The following EYS variants were observed in gnomAD, a reference collection of about 807,000 sequenced individuals.
The protein encoded by EYS is protein eyes shut homolog.
In EYS, 250 loss-of-function variants were observed where a neutral mutation model predicts 282.1. The ratio of observed to expected loss-of-function variants is 0.89; its 90% CI spans 0.80 to 0.98. The LOEUF (loss-of-function observed/expected upper bound fraction) is 0.98, where lower values mean the gene tolerates loss of function less well. Ranked by LOEUF, EYS falls within the 50% of genes least tolerant of loss-of-function variation. EYS has a pLI of 0.00. For missense variants in EYS, 4,016 were observed against 3,709.0 expected, an observed-to-expected ratio of 1.08 and a Z score of -2.15; for synonymous variants, 1,355 against 1,282.9, an observed-to-expected ratio of 1.06 and a Z score of -1.20.
chr6:65,557,768 T>C (rs1383360956), intron 2 of EYS, among the ~76,000 whole-genome samples: 3 of 152,138 alleles, frequency 2.0e-5, no homozygotes, highest in Non-Finnish European at 4.4e-5. Context: ...ACTGGAGGGT[T>C]AGCAAAAGGC....
chr6:64,596,079 G>A (rs11759796), intron 24 of EYS, among the ~76,000 whole-genome samples: 15,328 of 151,964 alleles, frequency 0.1, 927 homozygotes, highest in East Asian at 0.17. Flanking sequence ...GAGAGAGCCA[G>A]GGAGGGGATG....
rs564291620 is a variant in EYS at position 64,557,946 on chromosome 6, C to T, written c.5644+32277G>A. On this transcript the variant is annotated intron_variant, in intron 26 of 42. Transcript: ENST00000503581. ...CATTTACTATCTGTTCTTTTACAGA[C>T]CTGTCAGCCTCTGCACTGCTCATAT... 2.0e-5 allele frequency among the ~76,000 whole-genome samples: 3 copies of T among 152,140 alleles called. No homozygotes were observed. The South Asian group carries it at 6.2e-4, about 32-fold the overall frequency.
chr6:65,380,163 C>T (rs968150379), intron 8 of EYS, among the ~76,000 whole-genome samples: 13 of 152,196 alleles, frequency 8.5e-5, no homozygotes, highest in African/African-American at 3.1e-4. Flanking sequence ...ATTTCCAAGA[C>T]AGTCCTAAGC....
intron 31 of EYS, among the ~76,000 whole-genome samples, chr6:64,128,644 ATT>A (rs1773864691): frequency 6.6e-6 from 1 of 152,154 alleles, no homozygotes; most frequent in Non-Finnish European, 1.5e-5. Flanking sequence ...TATTTCAAAG[ATT>A]TCTTATAAAA....
intron 33 of EYS, among the ~76,000 whole-genome samples, chr6:64,012,675 A>C (rs775861502): frequency 8.5e-5 from 13 of 152,172 alleles, no homozygotes; most frequent in Non-Finnish European, 1.9e-4. Flanking sequence ...AAATTTAAGG[A>C]AATGCTGTTT....
At chr6:64,524,257 A>G (rs980990749) in intron 26 of EYS, among the ~76,000 whole-genome samples, 3 of 151,720 alleles carry the variant, frequency 2.0e-5, no homozygotes. Context: ...AATGTTTGTA[A>G]AATAATTCCA....
chr6:64,361,118 AC>A (rs1246625454), intron 29 of EYS, among the ~76,000 whole-genome samples: 18 of 151,874 alleles, frequency 1.2e-4, no homozygotes, highest in African/African-American at 4.3e-4. Context: ...AGAATATGGA[AC>A]TATATATTTT....
chr6:64,092,241 A>G (rs1361427426), intron 31 of EYS, among the ~76,000 whole-genome samples: 2 of 152,282 alleles, frequency 1.3e-5, no homozygotes, highest in East Asian at 1.9e-4. Flanking sequence ...TAGCAGCATG[A>G]TTTATAATCC....
chr6:65,689,451 C>A (rs934594656), intron 1 of EYS, among the ~76,000 whole-genome samples: 1 of 148,924 alleles, frequency 6.7e-6, no homozygotes, highest in Non-Finnish European at 1.5e-5. Context: ...GTGCAGCACA[C>A]CAACATGGCA....
intron 32 of EYS, among the ~76,000 whole-genome samples, chr6:64,067,640 G>A (rs1771422569): frequency 6.6e-6 from 1 of 152,014 alleles, no homozygotes; most frequent in Non-Finnish European, 1.5e-5. Flanking sequence ...TGGTGTTAAT[G>A]TCCTACTTTT....
intron 33 of EYS, among the ~76,000 whole-genome samples, chr6:64,035,010 A>G (rs2072658288): frequency 6.6e-6 from 1 of 152,180 alleles, no homozygotes; most frequent in Non-Finnish European, 1.5e-5. Flanking sequence ...CTAGACGTCA[A>G]TGTCTGGAGA....
chr6:64,343,215 A>T (rs1771208139), intron 29 of EYS, among the ~76,000 whole-genome samples: 1 of 152,056 alleles, frequency 6.6e-6, no homozygotes, highest in Admixed American at 6.6e-5. Context: ...CCTAATAGAC[A>T]TCTACAGAAC....
chr6:64,570,398 A>G (rs1765688266), intron 26 of EYS, among the ~76,000 whole-genome samples: 2 of 152,192 alleles, frequency 1.3e-5, no homozygotes, highest in Non-Finnish European at 2.9e-5. Flanking sequence ...CAGGCAAAAT[A>G]ACCAGCTAGC....
intron 31 of EYS, among the ~76,000 whole-genome samples, chr6:64,136,306 G>A (rs1217051919): frequency 2.0e-5 from 3 of 152,004 alleles, no homozygotes; most frequent in South Asian, 2.1e-4. Context: ...TTCCTCTACT[G>A]TAGTATTAAA....
intron 15 of EYS, among the ~76,000 whole-genome samples, chr6:64,935,688 C>T (rs1023088117): frequency 4.6e-5 from 7 of 151,584 alleles, no homozygotes; most frequent in Non-Finnish European, 8.9e-5. Flanking sequence ...CAATTACACG[C>T]TAACCAATTA....
rs6921581 is a variant in EYS at position 64,623,352 on chromosome 6, C to T, written c.3568+2769G>A. 1.9e-3 allele frequency among the ~76,000 whole-genome samples: 288 copies of T among 152,212 alleles called. 3 individuals are homozygous for T. The highest frequency in any genetic ancestry group is 6.4e-3 in the African/African-American group (264 of 41,558). On this transcript the variant is annotated intron_variant, in intron 23 of 42. Transcript: ENST00000503581. Reference sequence around the variant, plus strand: ...ATGAATGCACAAGTGTCAGTGCAGACTTCTTAGGTGTGAATCTTAGCTTTG... The same window carrying T: ...ATGAATGCACAAGTGTCAGTGCAGATTTCTTAGGTGTGAATCTTAGCTTTG...
chr6:65,023,173 A>G (rs1772299569), intron 13 of EYS, among the ~76,000 whole-genome samples: 1 of 152,188 alleles, frequency 6.6e-6, no homozygotes, highest in Non-Finnish European at 1.5e-5. Flanking sequence ...TCAACTGAAT[A>G]TTGAATTTTA....
chr6:65,137,152 T>G (rs1776044451), intron 12 of EYS, among the ~76,000 whole-genome samples: 1 of 151,956 alleles, frequency 6.6e-6, no homozygotes, highest in Non-Finnish European at 1.5e-5. Context: ...ATCACCCCAA[T>G]GTATAAGTAA....
intron 8 of EYS, among the ~76,000 whole-genome samples, chr6:65,380,995 G>A (rs1036869716): frequency 6.6e-6 from 1 of 152,114 alleles, no homozygotes; most frequent in African/African-American, 2.4e-5. Context: ...CGGAGAAATA[G>A]GAATGCATTT....
Sources: allele counts gnomAD v4.1 joint callset (sites outside exome capture counted in the v4.1 genomes callset), GRCh38; gene constraint gnomAD v4.1.1; transcripts MANE v1.5; gene names NCBI Gene and HGNC (gene_info 2026-07-23, HGNC 2026-07-21).